UBR1: variants seen among roughly 807,000 people sequenced by gnomAD.
The protein encoded by UBR1 is E3 ubiquitin-protein ligase UBR1.
UBR1 carries 102 observed loss-of-function variants against 242.1 expected under a neutral mutation model. The ratio of observed to expected loss-of-function variants is 0.42; its 90% CI spans 0.36 to 0.50. UBR1 has a LOEUF of 0.50. Ranked by LOEUF, UBR1 falls within the 20% of genes least tolerant of loss-of-function variation. The pLI is 0.01. For synonymous variants in UBR1, 675 were observed against 684.8 expected (o/e 0.99, Z 0.22); for missense variants, 1,772 against 2,101.8 (o/e 0.84, Z 3.07).
At chr15:43,079,705 C>A (rs1254914707) in intron 3 of UBR1, among the ~76,000 whole-genome samples, 1 of 151,956 alleles carries the variant, frequency 6.6e-6, no homozygotes, top group Non-Finnish European at 1.5e-5. Context: ...TGGAGTGAAC[C>A]CGGGAGACAG....
intron 37 of UBR1, among the ~76,000 whole-genome samples, 199 bp downstream of exon 37, chr15:42,983,698 T>TAATAATAAC (rs1001155327): frequency 1.4e-5 from 2 of 147,914 alleles, no homozygotes; most frequent in Admixed American, 1.4e-4. Context: ...ATAATAATAA[T>TAATAATAAC]AATATCACAA....
At chr15:43,056,533 A>G in intron 10 of UBR1, 91 bp from the exon 11 acceptor site, 1 of 825,424 alleles carries the variant, frequency 1.2e-6, no homozygotes, top group Non-Finnish European at 2.0e-6. Context: ...GTTTGTTTCT[A>G]TCTATAAAAT....
chr15:43,006,106 GAAA>G (rs1235960946), intron 30 of UBR1, among the ~76,000 whole-genome samples: 1 of 111,470 alleles, frequency 9.0e-6, no homozygotes, highest in Admixed American at 8.8e-5. Flanking sequence ...AAAAAAAAAA[GAAA>G]AAAAAAAAAA....
intron 29 of UBR1, among the ~76,000 whole-genome samples, chr15:43,013,198 C>T (rs1466395460): frequency 6.6e-6 from 1 of 152,204 alleles, no homozygotes; most frequent in Non-Finnish European, 1.5e-5. Flanking sequence ...AGCCACTGCT[C>T]ACAGCCCTCA....
chr15:42,993,628 A>G (rs774989944), intron 33 of UBR1, among the ~76,000 whole-genome samples: 17 of 152,088 alleles, frequency 1.1e-4, no homozygotes, highest in Non-Finnish European at 2.1e-4. Flanking sequence ...TCGGCCTCCC[A>G]AAGTGCTGCG....
chr15:43,059,796 T>G lies in UBR1; in HGVS notation c.891A>C (p.Pro297=). 1 of 1,614,080 alleles carries G rather than the reference T, an allele frequency of 6.2e-7. No homozygotes were observed. The highest frequency in any genetic ancestry group is 8.5e-7 in the Non-Finnish European group (1 of 1,179,988). ...CTGAGTGTAATACTTCTACATGAAGTGGATGTTGAGAGACATTTTCTGAAT... is the reference window on the plus strand; with the variant it reads ...CTGAGTGTAATACTTCTACATGAAGGGGATGTTGAGAGACATTTTCTGAAT... ...KSHSENVSQH[P]LHVEVLHSEI... The change falls in exon 8 of 47, where the codon CCA becomes CCC. Residue 297 remains proline (P), a synonymous_variant. Transcript: ENST00000290650.
intron 1 of UBR1, among the ~76,000 whole-genome samples, chr15:43,104,196 T>A (rs1475134414): frequency 1.3e-5 from 2 of 152,240 alleles, no homozygotes; most frequent in Non-Finnish European, 2.9e-5. Context: ...GGTAAAGAGT[T>A]GCCACATAAA....
intron 13 of UBR1, 43 bp downstream of exon 13, chr15:43,048,349 A>G (rs907370131): frequency 6.6e-7 from 1 of 1,506,208 alleles, no homozygotes; most frequent in Non-Finnish European, 9.1e-7. Context: ...TTCAATTTTT[A>G]AAAATAAATT....
At chr15:42,964,235 C>T (rs111404862) in intron 41 of UBR1, among the ~76,000 whole-genome samples, 192 bp from the exon 42 acceptor site, 1 of 151,922 alleles carries the variant, frequency 6.6e-6, no homozygotes, top group South Asian at 2.1e-4. Context: ...TTTGGGAGGC[C>T]GAGGCGGGCG....
intron 29 of UBR1, among the ~76,000 whole-genome samples, chr15:43,012,088 G>A (rs576344172): frequency 2.0e-5 from 3 of 152,218 alleles, no homozygotes; most frequent in Non-Finnish European, 2.9e-5. Flanking sequence ...TTAGCCAGGC[G>A]TGGTGGCGGG....
intron 43 of UBR1, 101 bp downstream of exon 43, chr15:42,960,544 G>A (rs924871507): frequency 1.7e-6 from 2 of 1,174,346 alleles, no homozygotes; most frequent in African/African-American, 3.1e-5. Flanking sequence ...TGTACTGAGT[G>A]AGAATGAAGA....
At chr15:43,096,491 A>T (rs1039557731) in intron 1 of UBR1, among the ~76,000 whole-genome samples, 1 of 152,048 alleles carries the variant, frequency 6.6e-6, no homozygotes, top group Non-Finnish European at 1.5e-5. Context: ...GACAACCATG[A>T]AGTCTGCCAC....
chr15:42,945,051 A>G lies in UBR1; in HGVS notation c.*278T>C. The G allele has an allele frequency of 2.4e-6, 1 of 420,988 alleles. No individual in the cohort carries two copies. Among genetic ancestry groups the G allele is most frequent in the Non-Finnish European group, 4.4e-6 (1 of 225,800 alleles). 26.1% of individuals were successfully genotyped at this position (420,988 alleles called of 1,614,324 possible). On this transcript the variant is annotated 3_prime_UTR_variant, in exon 47 of 47. Transcript: ENST00000290650. Reference sequence around the variant, plus strand: ...TGACGTGACTTCATCTACCAAGTGGATGAAATAAAATGAAATGAGACAAAT... The same window carrying G: ...TGACGTGACTTCATCTACCAAGTGGGTGAAATAAAATGAAATGAGACAAAT...
At chr15:42,989,863 A>G (rs1287301558) in intron 34 of UBR1, among the ~76,000 whole-genome samples, 167 bp downstream of exon 34, 2 of 152,190 alleles carry the variant, frequency 1.3e-5, no homozygotes, top group Non-Finnish European at 2.9e-5. Flanking sequence ...TTAATATCTC[A>G]AACCACTTCA....
At chr15:43,089,866 A>T (rs535810426) in intron 1 of UBR1, among the ~76,000 whole-genome samples, 1 of 152,254 alleles carries the variant, frequency 6.6e-6, no homozygotes, top group Non-Finnish European at 1.5e-5. Context: ...TAAGGTCATG[A>T]AAACAAGGAA....
Position 43,045,682 on chromosome 15 carries a change from A to G in UBR1, c.1668+1479T>C, listed in dbSNP as rs183684198. Among the ~76,000 whole-genome samples, 81 of 152,330 alleles carry G rather than the reference A, an allele frequency of 5.3e-4. 1 individual carries two copies. In the East Asian group the frequency reaches 0.014, roughly 27 times the overall value. On this transcript the variant is annotated intron_variant, in intron 14 of 46. Transcript: ENST00000290650. ...GTAAAAAAATTTTAAATACCATGTA[A>G]ATGGGACAAGCTAATTGCCCTAAGA... is the stretch of plus-strand genomic sequence containing the variant.
At chr15:43,038,693 C>A (rs552428207) in intron 15 of UBR1, among the ~76,000 whole-genome samples, 2 of 152,220 alleles carry the variant, frequency 1.3e-5, no homozygotes, top group African/African-American at 4.8e-5. Context: ...TTTTGAAATA[C>A]AATATTACTA....
chr15:43,024,734 A>T, intron 25 of UBR1, 95 bp downstream of exon 25: 1 of 1,549,582 alleles, frequency 6.5e-7, no homozygotes, highest in Non-Finnish European at 8.9e-7. Flanking sequence ...CCGGTGCTCT[A>T]GATGTGGTTC....
At chr15:42,999,965 G>A (rs1038804368) in intron 32 of UBR1, among the ~76,000 whole-genome samples, 1 of 152,096 alleles carries the variant, frequency 6.6e-6, no homozygotes, top group African/African-American at 2.4e-5. Context: ...TTTGACCTAA[G>A]AAGTTTTTTT....
Sources: gnomAD v4.1 joint callset for allele counts (sites outside exome capture counted in the v4.1 genomes callset) on GRCh38, gnomAD v4.1.1 for gene constraint, MANE v1.5 for transcripts, NCBI Gene and HGNC (gene_info 2026-07-23, HGNC 2026-07-21) for gene names.